Variants in CSMD1 observed in about 807,000 individuals in gnomAD.
The protein encoded by CSMD1 is CUB and sushi domain-containing protein 1.
In CSMD1, 213 loss-of-function variants were observed where a neutral mutation model predicts 417.5. The observed-to-expected ratio is 0.51, with a 90% CI of 0.46 to 0.57. CSMD1 has a LOEUF of 0.57. Among genes scored for constraint, CSMD1 ranks in the 20% least tolerant of loss-of-function variants. The probability of loss-of-function intolerance (pLI) is 0.00; values close to 1 mark genes in which losing one functional copy is unlikely to be tolerated. For synonymous variants in CSMD1, 2,862 were observed against 1,736.8 expected (o/e 1.65, Z -16.11); for missense variants, 6,923 against 4,529.7 (o/e 1.53, Z -15.17).
intron 2 of CSMD1, among the ~76,000 whole-genome samples, chr8:4,621,038 T>C (rs563781750): frequency 2.6e-5 from 4 of 152,150 alleles, no homozygotes; most frequent in African/African-American, 9.6e-5. Flanking sequence ...GAAAAATCCA[T>C]TTTTATCATA....
chr8:3,960,806 T>A (rs1812274838), intron 5 of CSMD1, among the ~76,000 whole-genome samples: 1 of 151,914 alleles, frequency 6.6e-6, no homozygotes, highest in Non-Finnish European at 1.5e-5. Flanking sequence ...TACAATTTAT[T>A]ATTTTTACTG....
intron 3 of CSMD1, among the ~76,000 whole-genome samples, chr8:4,330,042 C>T (rs1469786712): frequency 6.6e-6 from 1 of 152,172 alleles, no homozygotes. Context: ...AATTAAACCT[C>T]TTTTCTTCAT....
chr8:4,551,420 T>C (rs1156983497), intron 2 of CSMD1, among the ~76,000 whole-genome samples: 3 of 152,204 alleles, frequency 2.0e-5, no homozygotes, highest in African/African-American at 7.2e-5. Flanking sequence ...TACTGTCCTT[T>C]CTTTTGTTTT....
At chr8:4,876,258 C>T (rs1425690260) in intron 1 of CSMD1, among the ~76,000 whole-genome samples, 1 of 152,018 alleles carries the variant, frequency 6.6e-6, no homozygotes, top group Non-Finnish European at 1.5e-5. Flanking sequence ...TAATATTACC[C>T]TCCATGACAA....
At chr8:4,276,736 T>C (rs1157230993) in intron 3 of CSMD1, among the ~76,000 whole-genome samples, 2 of 152,330 alleles carry the variant, frequency 1.3e-5, no homozygotes, top group African/African-American at 2.4e-5. Context: ...AAAGGAAATG[T>C]ATATGTGTTT....
intron 5 of CSMD1, among the ~76,000 whole-genome samples, chr8:3,962,853 A>G (rs1470396689): frequency 2.0e-5 from 3 of 152,108 alleles, no homozygotes; most frequent in South Asian, 2.1e-4. Context: ...AACAGACATG[A>G]TTTCTATTAT....
intron 4 of CSMD1, among the ~76,000 whole-genome samples, chr8:3,999,853 A>C (rs1255537878): frequency 2.6e-5 from 4 of 152,194 alleles, no homozygotes; most frequent in African/African-American, 7.2e-5. Flanking sequence ...ACTCCCATCC[A>C]AAGCACGTGA....
chr8:3,752,549 G>A (rs1432579325), intron 6 of CSMD1, among the ~76,000 whole-genome samples: 2 of 151,774 alleles, frequency 1.3e-5, no homozygotes, highest in Non-Finnish European at 2.9e-5. Flanking sequence ...AGCTACTCGG[G>A]AGCCTGAGAC....
intron 2 of CSMD1, among the ~76,000 whole-genome samples, chr8:4,475,107 A>G (rs1800730066): frequency 6.6e-6 from 1 of 152,212 alleles, no homozygotes; most frequent in Non-Finnish European, 1.5e-5. Flanking sequence ...AAAAATGGAT[A>G]TGTGTTTTAG....
intron 1 of CSMD1, among the ~76,000 whole-genome samples, chr8:4,852,666 G>C (rs944381401): frequency 1.2e-4 from 18 of 152,172 alleles, no homozygotes; most frequent in African/African-American, 4.3e-4. Context: ...GAGATTGGAA[G>C]AGTTTGGAGG....
chr8:4,274,781 T>C (rs954454345), intron 3 of CSMD1, among the ~76,000 whole-genome samples: 1 of 152,180 alleles, frequency 6.6e-6, no homozygotes, highest in Non-Finnish European at 1.5e-5. Flanking sequence ...GAATTTTTTA[T>C]CACTTGGAAA....
At chr8:3,143,176 CTGTT>C (rs1311096883) in intron 40 of CSMD1, among the ~76,000 whole-genome samples, 1 of 151,982 alleles carries the variant, frequency 6.6e-6, no homozygotes, top group Non-Finnish European at 1.5e-5. Flanking sequence ...TTGTGTTTGT[CTGTT>C]TATTTTGTCT....
chr8:3,333,134 C>T (rs7837800), intron 23 of CSMD1, among the ~76,000 whole-genome samples: 12 of 151,956 alleles, frequency 7.9e-5, no homozygotes, highest in East Asian at 3.9e-4. Flanking sequence ...ACCACTGTGA[C>T]GACCTGAGTT....
intron 2 of CSMD1, among the ~76,000 whole-genome samples, chr8:4,477,820 T>C (rs1335369440): frequency 6.6e-6 from 1 of 152,226 alleles, no homozygotes; most frequent in Non-Finnish European, 1.5e-5. Context: ...TAGTATGTGC[T>C]GTATTATATT....
intron 2 of CSMD1, among the ~76,000 whole-genome samples, chr8:4,438,544 C>A (rs1313442919): frequency 6.6e-6 from 1 of 152,216 alleles, no homozygotes; most frequent in East Asian, 1.9e-4. Flanking sequence ...ACATGTTTTA[C>A]TTTCCATCTC....
intron 1 of CSMD1, among the ~76,000 whole-genome samples, chr8:4,669,630 T>G (rs1333918512): frequency 6.6e-6 from 1 of 152,196 alleles, no homozygotes; most frequent in Non-Finnish European, 1.5e-5. Flanking sequence ...GAAACTTTTT[T>G]TAACCTTCCA....
intron 37 of CSMD1, among the ~76,000 whole-genome samples, chr8:3,170,168 C>G (rs749440440): frequency 4.8e-4 from 73 of 152,162 alleles, no homozygotes; most frequent in Non-Finnish European, 9.0e-4. Flanking sequence ...TGTTTGAGTG[C>G]TCATTTTTCT....
chr8:4,472,451 G>T (rs890872052), intron 2 of CSMD1, among the ~76,000 whole-genome samples: 1 of 151,846 alleles, frequency 6.6e-6, no homozygotes, highest in Non-Finnish European at 1.5e-5. Flanking sequence ...ATATATTTAA[G>T]GTAATAACAG....
chr8:3,545,972 C>G (rs972244058), intron 10 of CSMD1, among the ~76,000 whole-genome samples: 1 of 152,060 alleles, frequency 6.6e-6, no homozygotes, highest in African/African-American at 2.4e-5. Flanking sequence ...AGCTCCTAAG[C>G]CAAACAATTA....
Sources: allele counts gnomAD v4.1 joint callset (sites outside exome capture counted in the v4.1 genomes callset), GRCh38; gene constraint gnomAD v4.1.1; transcripts MANE v1.5; gene names NCBI Gene and HGNC (gene_info 2026-07-23, HGNC 2026-07-21).